MLKL: variants seen among roughly 807,000 people sequenced by gnomAD.
MLKL encodes the protein mixed lineage kinase domain-like protein.
In MLKL, 55 loss-of-function variants were observed where a neutral mutation model predicts 56.5. The observed-to-expected ratio is 0.97, with a 90% CI of 0.78 to 1.22. The LOEUF (loss-of-function observed/expected upper bound fraction) is 1.22. MLKL is among the 50% of genes most tolerant of loss of function. MLKL has a pLI of 0.00. For missense variants in MLKL, 694 were observed against 573.9 expected (o/e 1.21, Z -2.14); for synonymous variants, 251 against 208.3 (o/e 1.20, Z -1.76).
chr16:74,682,570 G>A, intron 6 of MLKL, 81 bp downstream of exon 6: 1 of 1,564,000 alleles, frequency 6.4e-7, no homozygotes, highest in Non-Finnish European at 8.7e-7. Flanking sequence ...CGTCTGGCCT[G>A]TTCTCTCACC....
intron 6 of MLKL, among the ~76,000 whole-genome samples, chr16:74,679,399 T>C (rs1959802487): frequency 6.6e-6 from 1 of 152,136 alleles, no homozygotes; most frequent in African/African-American, 2.4e-5. Flanking sequence ...GGGCTTTGGT[T>C]TCACAAAGCC....
intron 6 of MLKL, among the ~76,000 whole-genome samples, chr16:74,681,574 A>T (rs1959972800): frequency 6.6e-6 from 1 of 151,564 alleles, no homozygotes; most frequent in Non-Finnish European, 1.5e-5. Flanking sequence ...CAGGTGGATC[A>T]TGAGGTCAGG....
intron 4 of MLKL, 92 bp from the exon 5 acceptor site, chr16:74,685,675 G>T: frequency 1.1e-6 from 1 of 938,342 alleles, no homozygotes; most frequent in East Asian, 2.6e-5. Flanking sequence ...ATGTGGGGGC[G>T]GGGGTATCAG....
At chr16:74,684,538 A>C (rs1960209470) in intron 5 of MLKL, among the ~76,000 whole-genome samples, 1 of 149,896 alleles carries the variant, frequency 6.7e-6, no homozygotes. Context: ...TCTGTCACCC[A>C]GGCTGGAGTG....
At chr16:74,674,156 CTTTTT>C (rs11408099) in intron 10 of MLKL, among the ~76,000 whole-genome samples, 6 of 138,518 alleles carry the variant, frequency 4.3e-5, no homozygotes, top group African/African-American at 1.6e-4. Context: ...GAATAGCATT[CTTTTT>C]TTTTTTTTTT....
rs1478953312 is a variant in MLKL at position 74,692,412 on chromosome 16, ATTATCTGCAGG to A, written c.461-7_464del. Reference sequence around the variant, plus strand: ...GTCTCAGTGAAGCTTCTATTTTTTCATTATCTGCAGGAAAAAAGGGCAGTATATGCTCAAAA... The same window carrying A: ...GTCTCAGTGAAGCTTCTATTTTTTCAAAAAAAGGGCAGTATATGCTCAAAA... On this transcript the variant is annotated splice_acceptor_variant and splice_polypyrimidine_tract_variant and coding_sequence_variant and intron_variant, in exon 3 of 11. Transcript: ENST00000308807. LOFTEE classifies it high-confidence loss of function. 1 of 1,612,356 alleles carries A rather than the reference ATTATCTGCAGG, an allele frequency of 6.2e-7. No individual in the cohort carries two copies. Among genetic ancestry groups the A allele is most frequent in the Non-Finnish European group, 8.5e-7 (1 of 1,179,462 alleles).
chr16:74,676,758 G>A (rs1959621832), intron 7 of MLKL: 1 of 152,238 alleles, frequency 6.6e-6, no homozygotes, highest in East Asian at 1.9e-4. Flanking sequence ...GTCTATGGAT[G>A]ACAAAGAAAA....
intron 3 of MLKL, 88 bp downstream of exon 3, chr16:74,692,254 G>T: frequency 8.4e-7 from 1 of 1,191,668 alleles, no homozygotes. Context: ...ATGGACAAAT[G>T]CAGGGGTAGC....
rs1255279907 is a variant in MLKL at position 74,672,547 on chromosome 16, G to T, written c.1382-9C>A. 1.2e-6 allele frequency: 2 copies of T among 1,613,372 alleles called. No individual in the cohort carries two copies. The highest frequency in any genetic ancestry group is 8.5e-7 in the Non-Finnish European group (1 of 1,179,346). ...GAGTTTCTTTAAGATTTCTGTGGATGAATGAACAGAAAATTAGACCAGGGT... is the reference window on the plus strand; with the variant it reads ...GAGTTTCTTTAAGATTTCTGTGGATTAATGAACAGAAAATTAGACCAGGGT... On this transcript the variant is annotated splice_polypyrimidine_tract_variant and intron_variant, in intron 10 of 10. Transcript: ENST00000308807.
chr16:74,695,818 G>C, intron 1 of MLKL, 59 bp from the exon 2 acceptor site: 3 of 1,425,316 alleles, frequency 2.1e-6, no homozygotes, highest in Non-Finnish European at 2.8e-6. Flanking sequence ...TTCACTACTT[G>C]GCTAAGAAAG....
chr16:74,672,567 C>G, intron 10 of MLKL, 29 bp from the exon 11 acceptor site: 7 of 1,610,318 alleles, frequency 4.3e-6, no homozygotes, highest in Non-Finnish European at 5.9e-6. Flanking sequence ...AAAATTAGAC[C>G]AGGGTAGGCA....
rs1209386455 is a variant in MLKL, at chr16:74,685,569, G to A, written c.737C>T (p.Thr246Ile). The change falls in exon 5 of 11, where the codon ACT becomes ATT. Residue 246 changes from threonine (T) to isoleucine (I), a missense_variant. Transcript: ENST00000308807. ...CATGGTTTTGATCTCCTTATTGAAA[G>A]TCTGCCTCACTATTCTATAAGGATT... Reference protein sequence around the residue: ...QAGSIAIVRQTFNKEIKTMKK... With the variant: ...QAGSIAIVRQIFNKEIKTMKK... 3 of 1,612,828 alleles carry A rather than the reference G, an allele frequency of 1.9e-6. No homozygotes were observed. The highest frequency in any genetic ancestry group is 1.3e-5 in the African/African-American group (1 of 75,006).
chr16:74,696,615 T>G (rs1418618330), intron 1 of MLKL, among the ~76,000 whole-genome samples: 1 of 150,608 alleles, frequency 6.6e-6, no homozygotes, highest in East Asian at 2.0e-4. Context: ...AGTGAGACCC[T>G]TTCTCTACAA....
At chr16:74,676,264 A>G (rs1959590210) in intron 7 of MLKL, 9 of 989,896 alleles carry the variant, frequency 9.1e-6, no homozygotes, top group Middle Eastern at 5.2e-4. Flanking sequence ...CTTTGGCGTG[A>G]CGAGTGTGAG....
Position 74,672,421 on chromosome 16 carries a change from G to C in MLKL, c.*83C>G. Reference sequence around the variant, plus strand: ...TTGCACCCATAGATAACCCAATGCCGAAGGATATGAGAGAGAGAGATGTCC... The same window carrying C: ...TTGCACCCATAGATAACCCAATGCCCAAGGATATGAGAGAGAGAGATGTCC... On this transcript the variant is annotated 3_prime_UTR_variant, in exon 11 of 11. Coordinates refer to ENST00000308807, the MANE Select transcript of MLKL (RefSeq NM_152649.4). The C allele has an allele frequency of 7.5e-7, 1 of 1,326,992 alleles. No homozygotes were observed. The highest frequency in any genetic ancestry group is 1.1e-6 in the Non-Finnish European group (1 of 928,546). The allele number at this position is 1,326,992 out of a possible 1,614,324, so 82.2% of individuals were successfully genotyped here.
chr16:74,684,480 G>A (rs901306087), intron 5 of MLKL, among the ~76,000 whole-genome samples: 15 of 150,150 alleles, frequency 1.0e-4, no homozygotes, highest in African/African-American at 3.4e-4. Context: ...CTTGGTAGAG[G>A]GGTAAAGTAA....
In MLKL at chr16:74,675,366, A is replaced by T; in HGVS notation, c.1229T>A (p.Ile410Asn). ...TTCACATTCTTCACCTTGAAACGGG[A>T]TATCTCCAGTGGCGATTTCCCAGAG... ...IVLWEIATGD[I>N]PFQGCNSEKI... The change falls in exon 9 of 11, where the codon ATC becomes AAC. Residue 410 changes from isoleucine (I) to asparagine (N), a missense_variant. Coordinates refer to ENST00000308807, the MANE Select transcript of MLKL (RefSeq NM_152649.4). The T allele has an allele frequency of 6.2e-7, 1 of 1,614,156 alleles. No homozygotes were observed. The highest frequency in any genetic ancestry group is 8.5e-7 in the Non-Finnish European group (1 of 1,180,028).
At position 74,682,720 on chromosome 16, in the gene MLKL, T is replaced by C. The variant is rs374835950; in HGVS notation, c.887A>G (p.Asp296Gly). 5.6e-6 allele frequency: 9 copies of C among 1,613,906 alleles called. No homozygotes were observed. The African/African-American group carries it at 1.1e-4, about 19-fold the overall frequency. Residue 296 changes from aspartate to glycine, a missense_variant, in exon 6 of 11, where the codon GAT becomes GGT. Asp to Gly is a moderately conservative substitution (Grantham distance 94). Coordinates refer to ENST00000308807, the MANE Select transcript of MLKL (RefSeq NM_152649.4). ...CELGTLRELL[D>G]REKDLTLGKR... ...GCCAAGTGTGAGGTCTTTTTCCCTA[T>C]CCAACAGCTCCCTCAGGGTCCCGAG... is the stretch of plus-strand genomic sequence containing the variant.
Position 74,698,398 on chromosome 16 carries a change from A to G in MLKL, c.-3+2055T>C, listed in dbSNP as rs182550517. Among the ~76,000 whole-genome samples, 391 of 152,310 alleles carry G rather than the reference A, an allele frequency of 2.6e-3. 6 individuals carry two copies. The highest frequency in any genetic ancestry group is 7.1e-4 in the Non-Finnish European group (48 of 68,022). ...AAAACATGAGTAAGGCACTGGCAGA[A>G]GTGAAACTAAATAAATGAGCAATCG... On this transcript the variant is annotated intron_variant, in intron 1 of 10. Coordinates refer to ENST00000308807, the MANE Select transcript of MLKL (RefSeq NM_152649.4).
Sources: gnomAD v4.1 joint callset for allele counts (sites outside exome capture counted in the v4.1 genomes callset) on GRCh38, gnomAD v4.1.1 for gene constraint, MANE v1.5 for transcripts, NCBI Gene and HGNC (gene_info 2026-07-23, HGNC 2026-07-21) for gene names.